The following NDUFS5 variants were observed in gnomAD, a reference collection of about 807,000 sequenced individuals.
NDUFS5 encodes NADH:ubiquinone oxidoreductase subunit S5.
In NDUFS5, 7 loss-of-function variants were observed where a neutral mutation model predicts 10.5. The ratio of observed to expected loss-of-function variants is 0.66; its 90% confidence interval spans 0.38 to 1.25. NDUFS5 has a LOEUF of 1.25. Among genes scored for constraint, NDUFS5 ranks in the 50% most tolerant of loss-of-function variants. NDUFS5 has a pLI of 0.02. For missense variants in NDUFS5, 148 were observed against 140.7 expected (o/e 1.05, Z -0.26); for synonymous variants, 38 against 44.0 (o/e 0.86, Z 0.54).
intron 1 of NDUFS5, among the ~76,000 whole-genome samples, chr1:39,027,603 G>T (rs1644159633): frequency 5.4e-5 from 1 of 18,602 alleles, no homozygotes; most frequent in Admixed American, 5.0e-4. Flanking sequence ...TTTTGAGACA[G>T]GATCTCGCTT....
chr1:39,034,578 T>C lies in NDUFS5; in HGVS notation c.*82T>C. 1 of 1,077,806 alleles carries C rather than the reference T, an allele frequency of 9.3e-7. No homozygotes were observed. Among genetic ancestry groups the C allele is most frequent in the Non-Finnish European group, 1.4e-6 (1 of 705,648 alleles). 66.8% of individuals were successfully genotyped at this position (1,077,806 alleles called of 1,614,324 possible). ...AAAGGTTGTTTACGACAAACCTCCTTGTCAAAGTGTGTAAAAATAAAGGAT... is the reference window on the plus strand; with the variant it reads ...AAAGGTTGTTTACGACAAACCTCCTCGTCAAAGTGTGTAAAAATAAAGGAT... On this transcript the variant is annotated 3_prime_UTR_variant, in exon 3 of 3. Coordinates refer to ENST00000372969, the MANE Select transcript of NDUFS5 (RefSeq NM_004552.3).
chr1:39,028,900 A>G lies in NDUFS5; in HGVS notation c.176A>G (p.Glu59Gly). 1.2e-6 allele frequency: 2 copies of G among 1,614,066 alleles called. No individual in the cohort carries two copies. Among genetic ancestry groups the G allele is most frequent in the Non-Finnish European group, 1.7e-6 (2 of 1,180,022 alleles). The change falls in exon 2 of 3, where the codon GAA becomes GGA. Residue 59 changes from glutamate to glycine, a missense_variant. By Grantham distance (98) the Glu-to-Gly change is moderately conservative. Transcript: ENST00000372969. Reference sequence around the variant, plus strand: ...CGGGCAGAGAAAGAGTGCAAGATAGAATATGATGATTTCGTAGAGTGTTTG... The same window carrying G: ...CGGGCAGAGAAAGAGTGCAAGATAGGATATGATGATTTCGTAGAGTGTTTG... ...YTRAEKECKIEYDDFVECLLR... is the reference protein window; with the variant it reads ...YTRAEKECKIGYDDFVECLLR...
chr1:39,028,758 C>T lies in NDUFS5; in HGVS notation c.34C>T (p.Leu12Phe). 6.2e-7 allele frequency: 1 copy of T among 1,614,068 alleles called. No individual in the cohort carries two copies. Among genetic ancestry groups the T allele is most frequent in the East Asian group, 2.2e-5 (1 of 44,878 alleles). The change falls in exon 2 of 3, where the codon CTT becomes TTT. Residue 12 changes from leucine to phenylalanine, a missense_variant. Leu to Phe is a conservative substitution (Grantham distance 22). Transcript: ENST00000372969. Reference protein sequence around the residue: ...PFLDIQKRFGLNIDRWLTIQS... With the variant: ...PFLDIQKRFGFNIDRWLTIQS... ...CTTGGACATCCAGAAAAGGTTCGGC[C>T]TTAACATAGATCGATGGTTGACAAT... is the stretch of plus-strand genomic sequence containing the variant.
intron 1 of NDUFS5, among the ~76,000 whole-genome samples, chr1:39,027,739 CTTTTTTTTTTTT>C (rs1162808002): frequency 2.3e-5 from 1 of 43,368 alleles, no homozygotes; most frequent in South Asian, 8.6e-4. Context: ...CCACAAGTGC[CTTTTTTTTTTTT>C]TTTTTTTTTT....
intron 2 of NDUFS5, among the ~76,000 whole-genome samples, chr1:39,030,103 C>CA (rs1042060681): frequency 6.9e-6 from 1 of 145,150 alleles, no homozygotes. Context: ...AAAAAAAAAC[C>CA]AAAAAAACAA....
At chr1:39,033,282 T>C (rs1644202572) in intron 2 of NDUFS5, among the ~76,000 whole-genome samples, 1 of 152,052 alleles carries the variant, frequency 6.6e-6, no homozygotes, top group Non-Finnish European at 1.5e-5. Context: ...ACATAGAATA[T>C]GTAAGTGCTT....
chr1:39,028,771 G>C lies in NDUFS5; in HGVS notation c.47G>C (p.Arg16Pro). The C allele has an allele frequency of 6.2e-7, 1 of 1,614,054 alleles. No individual in the cohort carries two copies. The highest frequency in any genetic ancestry group is 1.3e-5 in the African/African-American group (1 of 75,016). The change falls in exon 2 of 3, where the codon CGA (arginine) becomes CCA (proline). Residue 16 changes from arginine to proline, a missense_variant. Transcript: ENST00000372969. Reference sequence around the variant, plus strand: ...AAAAGGTTCGGCCTTAACATAGATCGATGGTTGACAATCCAGAGTGGTGAA... The same window carrying C: ...AAAAGGTTCGGCCTTAACATAGATCCATGGTTGACAATCCAGAGTGGTGAA... ...IQKRFGLNID[R>P]WLTIQSGEQP... is the part of the protein sequence containing the mutation.
intron 2 of NDUFS5, among the ~76,000 whole-genome samples, chr1:39,033,966 A>G (rs749529130): frequency 4.0e-5 from 6 of 151,286 alleles, no homozygotes; most frequent in Non-Finnish European, 8.8e-5. Flanking sequence ...ATCCCTGGCT[A>G]ATTTTTGTAT....
At chr1:39,027,178 C>G (rs1288335249) in intron 1 of NDUFS5, among the ~76,000 whole-genome samples, 1 of 152,152 alleles carries the variant, frequency 6.6e-6, no homozygotes, top group Non-Finnish European at 1.5e-5. Flanking sequence ...TCAAGCGATT[C>G]TCCTCCCTGA....
chr1:39,031,068 C>G (rs1380118054), intron 2 of NDUFS5, among the ~76,000 whole-genome samples: 2 of 152,108 alleles, frequency 1.3e-5, no homozygotes, highest in African/African-American at 4.8e-5. Context: ...CAAGGTTTCA[C>G]CATGTTGCCC....
intron 2 of NDUFS5, among the ~76,000 whole-genome samples, chr1:39,029,821 G>A (rs566807443): frequency 2.6e-5 from 4 of 152,260 alleles, no homozygotes; most frequent in East Asian, 1.9e-4. Context: ...GGCCAGGCAC[G>A]GTGGCTCACG....
In NDUFS5 at chr1:39,033,752, G is replaced by A. The variant is rs192998182; in HGVS notation, c.217-640G>A. 4.4e-3 allele frequency among the ~76,000 whole-genome samples: 662 copies of A among 150,048 alleles called. 4 individuals carry two copies. Among genetic ancestry groups the A allele is most frequent in the African/African-American group, 0.015 (630 of 40,912 alleles). ...CCTGACCTTGTGATTCGCCCGCCTCGGCCTCCCAAAGTGCTGGGATTACAG... is the reference window on the plus strand; with the variant it reads ...CCTGACCTTGTGATTCGCCCGCCTCAGCCTCCCAAAGTGCTGGGATTACAG... On this transcript the variant is annotated intron_variant, in intron 2 of 2. Coordinates refer to ENST00000372969, the MANE Select transcript of NDUFS5 (RefSeq NM_004552.3).
At chr1:39,032,625 G>C (rs1181608209) in intron 2 of NDUFS5, among the ~76,000 whole-genome samples, 1 of 151,942 alleles carries the variant, frequency 6.6e-6, no homozygotes, top group South Asian at 2.1e-4. Flanking sequence ...CTCAGAGTCA[G>C]TGAGCTTATG....
chr1:39,034,011 G>T (rs1644211464), intron 2 of NDUFS5, among the ~76,000 whole-genome samples: 1 of 151,374 alleles, frequency 6.6e-6, no homozygotes, highest in Non-Finnish European at 1.5e-5. Context: ...TTGTTGGCCA[G>T]TCTGGTCTTA....
intron 1 of NDUFS5, among the ~76,000 whole-genome samples, chr1:39,027,947 A>G (rs1330565441): frequency 6.8e-6 from 1 of 146,790 alleles, no homozygotes; most frequent in African/African-American, 2.5e-5. Context: ...CCTCCCGAAT[A>G]GTTGGGATTA....
intron 2 of NDUFS5, among the ~76,000 whole-genome samples, chr1:39,031,727 A>G (rs1282345013): frequency 6.6e-6 from 1 of 152,206 alleles, no homozygotes; most frequent in Admixed American, 6.6e-5. Context: ...ATGAATAGAT[A>G]AGTTACCATT....
intron 2 of NDUFS5, among the ~76,000 whole-genome samples, chr1:39,033,470 G>A (rs1192273954): frequency 6.6e-6 from 1 of 151,114 alleles, no homozygotes; most frequent in East Asian, 2.0e-4. Context: ...CGACTCGGGA[G>A]GCTGAGGCAG....
intron 2 of NDUFS5, among the ~76,000 whole-genome samples, chr1:39,030,359 C>G (rs1644181157): frequency 6.8e-6 from 1 of 147,154 alleles, no homozygotes. Context: ...GAGCTGAGAA[C>G]ACACCACTGC....
intron 1 of NDUFS5, among the ~76,000 whole-genome samples, chr1:39,027,220 G>GC (rs1644155029): frequency 6.6e-6 from 1 of 151,920 alleles, no homozygotes; most frequent in African/African-American, 2.4e-5. Context: ...ACAGGCATGC[G>GC]CCCCCACGCC....
Sources: allele counts gnomAD v4.1 joint callset (sites outside exome capture counted in the v4.1 genomes callset), GRCh38; gene constraint gnomAD v4.1.1; transcripts MANE v1.5; gene names NCBI Gene and HGNC (gene_info 2026-07-23, HGNC 2026-07-21).